LRRC69: variants seen among roughly 807,000 people sequenced by gnomAD.
LRRC69 encodes leucine rich repeat containing 69.
A neutral mutation model predicts 37.8 loss-of-function variants in LRRC69; 42 were observed. That is an observed-to-expected ratio of 1.11 (90% CI 0.87 to 1.44). The LOEUF (loss-of-function observed/expected upper bound fraction) is 1.44, where lower values mean the gene tolerates loss of function less well. Ranked by LOEUF, LRRC69 falls within the 40% of genes most tolerant of loss-of-function variation. The probability of loss-of-function intolerance (pLI) is 0.00; values close to 1 mark genes in which losing one functional copy is unlikely to be tolerated. For missense variants in LRRC69, 357 were observed against 401.9 expected (o/e 0.89, Z 0.96); for synonymous variants, 141 against 143.1 (o/e 0.99, Z 0.11).
At chr8:91,150,784 A>G (rs1280236646) in intron 5 of LRRC69, among the ~76,000 whole-genome samples, 5 of 151,850 alleles carry the variant, frequency 3.3e-5, no homozygotes, top group Non-Finnish European at 5.9e-5. Flanking sequence ...GTCTATTCAG[A>G]GATTCAACTT....
chr8:91,148,337 G>GT (rs1430177910), intron 5 of LRRC69, among the ~76,000 whole-genome samples: 2 of 151,074 alleles, frequency 1.3e-5, no homozygotes, highest in Non-Finnish European at 1.5e-5. Context: ...GCAGTGTTTG[G>GT]TTTTTTGTCC....
At chr8:91,153,357 G>C (rs1164815380) in intron 5 of LRRC69, among the ~76,000 whole-genome samples, 1 of 151,218 alleles carries the variant, frequency 6.6e-6, no homozygotes, top group African/African-American at 2.4e-5. Flanking sequence ...TCTGGATCAA[G>C]TGGACCTGAT....
chr8:91,117,726 C>T (rs533510925), intron 1 of LRRC69, among the ~76,000 whole-genome samples: 37 of 151,660 alleles, frequency 2.4e-4, no homozygotes, highest in Non-Finnish European at 4.4e-4. Context: ...AACAATGTGC[C>T]TTGTTGCTGA....
intron 5 of LRRC69, among the ~76,000 whole-genome samples, chr8:91,176,605 G>T (rs1429931708): frequency 1.3e-5 from 2 of 152,100 alleles, no homozygotes; most frequent in African/African-American, 4.8e-5. Context: ...CAAGCTGAAG[G>T]CCCAGGAAAG....
intron 5 of LRRC69, among the ~76,000 whole-genome samples, chr8:91,149,727 T>G (rs1185443724): frequency 1.3e-5 from 2 of 151,962 alleles, no homozygotes; most frequent in Admixed American, 1.3e-4. Context: ...GCATGGAATG[T>G]TCTTCCATTT....
intron 1 of LRRC69, among the ~76,000 whole-genome samples, chr8:91,118,955 C>G (rs550433866): frequency 1.8e-4 from 28 of 152,058 alleles, no homozygotes; most frequent in Non-Finnish European, 3.5e-4. Flanking sequence ...ATGACTCAAT[C>G]TAGTCCTGAG....
chr8:91,164,868 T>C (rs936878272), intron 5 of LRRC69, among the ~76,000 whole-genome samples: 4 of 151,724 alleles, frequency 2.6e-5, no homozygotes, highest in African/African-American at 7.2e-5. Flanking sequence ...GATTATCATG[T>C]ATTGTTCTTG....
At chr8:91,117,099 A>C (rs1283088667) in intron 1 of LRRC69, among the ~76,000 whole-genome samples, 1 of 152,048 alleles carries the variant, frequency 6.6e-6, no homozygotes, top group Non-Finnish European at 1.5e-5. Flanking sequence ...CAGTATTTGG[A>C]GCAAGTATAC....
At chr8:91,192,586 C>G (rs1314651488) in intron 6 of LRRC69, among the ~76,000 whole-genome samples, 4 of 152,056 alleles carry the variant, frequency 2.6e-5, no homozygotes, top group African/African-American at 9.6e-5. Context: ...TTGCATTTCT[C>G]TGATGGCCAG....
intron 5 of LRRC69, among the ~76,000 whole-genome samples, chr8:91,142,244 A>G (rs966829248): frequency 6.6e-6 from 1 of 152,006 alleles, no homozygotes; most frequent in Admixed American, 6.6e-5. Flanking sequence ...TGTGAAGTTC[A>G]TAACAAAATA....
At chr8:91,197,180 G>C (rs1809620360) in intron 6 of LRRC69, among the ~76,000 whole-genome samples, 2 of 152,208 alleles carry the variant, frequency 1.3e-5, no homozygotes, top group Admixed American at 1.3e-4. Context: ...GGACCCACTT[G>C]AGGAGGCAGT....
intron 5 of LRRC69, among the ~76,000 whole-genome samples, chr8:91,156,424 G>A (rs1808836235): frequency 1.3e-5 from 2 of 150,660 alleles, no homozygotes; most frequent in Admixed American, 1.3e-4. Context: ...CAAATTATTT[G>A]GGGTTTCCTT....
chr8:91,114,408 A>G (rs1813470595), intron 1 of LRRC69, among the ~76,000 whole-genome samples: 2 of 151,818 alleles, frequency 1.3e-5, no homozygotes, highest in African/African-American at 2.4e-5. Flanking sequence ...CAAAATGTCC[A>G]TCAATGGACA....
chr8:91,104,398 C>A (rs967464309), intron 1 of LRRC69, among the ~76,000 whole-genome samples: 24 of 151,994 alleles, frequency 1.6e-4, no homozygotes, highest in African/African-American at 5.1e-4. Flanking sequence ...CTCTAAACTT[C>A]TAAAAATATA....
At chr8:91,168,941 G>A (rs1809076781) in intron 5 of LRRC69, among the ~76,000 whole-genome samples, 1 of 151,862 alleles carries the variant, frequency 6.6e-6, no homozygotes, top group African/African-American at 2.4e-5. Context: ...TCATAATAAT[G>A]TGAGTGATTC....
At chr8:91,204,167 G>A (rs560486907) in intron 7 of LRRC69, among the ~76,000 whole-genome samples, 22 of 151,536 alleles carry the variant, frequency 1.5e-4, no homozygotes, top group African/African-American at 5.1e-4. Flanking sequence ...TTCATGTGCA[G>A]TCAGGGCTGA....
At chr8:91,173,944 A>G (rs1311712116) in intron 5 of LRRC69, among the ~76,000 whole-genome samples, 2 of 141,838 alleles carry the variant, frequency 1.4e-5, no homozygotes, top group African/African-American at 5.4e-5. Flanking sequence ...AAAAAAAAAG[A>G]AGAAAAAACA....
intron 5 of LRRC69, among the ~76,000 whole-genome samples, chr8:91,139,777 A>G (rs1043036297): frequency 4.6e-5 from 7 of 151,764 alleles, no homozygotes; most frequent in Non-Finnish European, 8.8e-5. Flanking sequence ...ATTTCCCAGT[A>G]TGATTTTTCT....
chr8:91,143,553 T>A (rs752643739), intron 5 of LRRC69, among the ~76,000 whole-genome samples: 10 of 151,968 alleles, frequency 6.6e-5, no homozygotes, highest in Non-Finnish European at 1.2e-4. Flanking sequence ...TGTATATCCC[T>A]AAGGTTTGTA....
Sources: gnomAD v4.1 joint callset for allele counts (sites outside exome capture counted in the v4.1 genomes callset) on GRCh38, gnomAD v4.1.1 for gene constraint, MANE v1.5 for transcripts, NCBI Gene and HGNC (gene_info 2026-07-23, HGNC 2026-07-21) for gene names.